LDLRAD4: variants seen among roughly 807,000 people sequenced by gnomAD.
The protein encoded by LDLRAD4 is low density lipoprotein receptor class A domain containing 4, also known as low-density lipoprotein receptor class A domain-containing protein 4.
LDLRAD4 carries 5 observed loss-of-function variants against 17.0 expected under a neutral mutation model. That is an observed-to-expected ratio of 0.29 (90% CI 0.15 to 0.62). LDLRAD4 has a LOEUF of 0.62. Among genes scored for constraint, LDLRAD4 ranks in the 20% least tolerant of loss-of-function variants. LDLRAD4 has a pLI of 0.84. For missense variants in LDLRAD4, 340 were observed against 424.7 expected (o/e 0.80, Z 1.75); for synonymous variants, 168 against 171.8 (o/e 0.98, Z 0.17).
At chr18:13,334,246 T>C (rs12232739) in intron 1 of LDLRAD4, among the ~76,000 whole-genome samples, 9,801 of 144,338 alleles carry the variant, frequency 0.068, 841 homozygotes, top group African/African-American at 0.23. Flanking sequence ...TTTTATTTCT[T>C]TTTTTTTTGA....
At chr18:13,455,920 C>T (rs908099750) in intron 3 of LDLRAD4, among the ~76,000 whole-genome samples, 3 of 152,146 alleles carry the variant, frequency 2.0e-5, no homozygotes, top group African/African-American at 4.8e-5. Context: ...TTACTCAGAG[C>T]CCCAGCTTCC....
chr18:13,550,873 C>G (rs559259787), intron 3 of LDLRAD4, among the ~76,000 whole-genome samples: 1 of 152,240 alleles, frequency 6.6e-6, no homozygotes, highest in East Asian at 1.9e-4. Context: ...TGGGATGTCC[C>G]ATTCTTTGCC....
intron 3 of LDLRAD4, among the ~76,000 whole-genome samples, chr18:13,451,906 T>C (rs2091859109): frequency 6.6e-6 from 1 of 152,108 alleles, no homozygotes. Context: ...ACTTTGGGGG[T>C]GGGGAGAGAG....
rs1044994751 is a variant in LDLRAD4, at chr18:13,523,979, C to T, written c.181+85595C>T. On this transcript the variant is annotated intron_variant, in intron 3 of 5. Coordinates refer to ENST00000359446, the Ensembl canonical transcript of LDLRAD4. ...TCTTGGCTGGTGAACCTCTCTCTGCCTTGGCCTGGACACAGGAGGGGGACC... is the reference window on the plus strand; with the variant it reads ...TCTTGGCTGGTGAACCTCTCTCTGCTTTGGCCTGGACACAGGAGGGGGACC... 5.3e-5 allele frequency among the ~76,000 whole-genome samples: 8 copies of T among 152,254 alleles called. No individual in the cohort carries two copies. The East Asian group carries it at 9.6e-4, about 18-fold the overall frequency.
intron 3 of LDLRAD4, among the ~76,000 whole-genome samples, chr18:13,590,580 C>CT (rs2095011257): frequency 6.6e-6 from 1 of 152,222 alleles, no homozygotes; most frequent in South Asian, 2.1e-4. Flanking sequence ...GTCTTTTCCT[C>CT]TTCAAATCTA....
chr18:13,297,000 G>A (rs1281740968), intron 1 of LDLRAD4, among the ~76,000 whole-genome samples: 7 of 152,088 alleles, frequency 4.6e-5, no homozygotes, highest in African/African-American at 1.7e-4. Flanking sequence ...TCTGTGTAGC[G>A]AGGGGATTCC....
rs578009673 is a variant in LDLRAD4, at chr18:13,390,659, A to G, written c.40+2897A>G. Among the ~76,000 whole-genome samples, 45 of 152,166 alleles carry G rather than the reference A, an allele frequency of 3.0e-4. 1 individual carries two copies. The South Asian group carries it at 7.7e-3, about 26-fold the overall frequency. ...GGTGCTTGAGGGGGTCATGTCTCAA[A>G]AAAAAAAAATCACCTGACTTGTGCC... is the stretch of plus-strand genomic sequence containing the variant. On this transcript the variant is annotated intron_variant, in intron 2 of 5. Transcript: ENST00000359446.
intron 3 of LDLRAD4, chr18:13,487,660 C>G (rs190912517): frequency 6.6e-6 from 1 of 152,270 alleles, no homozygotes; most frequent in Non-Finnish European, 1.5e-5. Flanking sequence ...ATCGGCAATT[C>G]CACACTAAAT....
intron 1 of LDLRAD4, among the ~76,000 whole-genome samples, chr18:13,262,710 A>G (rs1376692770): frequency 5.3e-5 from 3 of 56,194 alleles, no homozygotes; most frequent in Non-Finnish European, 9.5e-5. Flanking sequence ...CTGTGTGTGG[A>G]AACTGAGTCC....
At chr18:13,237,283 A>C (rs1452693189) in intron 1 of LDLRAD4, among the ~76,000 whole-genome samples, 1 of 152,180 alleles carries the variant, frequency 6.6e-6, no homozygotes, top group Non-Finnish European at 1.5e-5. Flanking sequence ...GACTAAGTGC[A>C]TCACCCCACG....
intron 1 of LDLRAD4, among the ~76,000 whole-genome samples, chr18:13,237,540 G>C (rs1413412802): frequency 6.6e-6 from 1 of 152,184 alleles, no homozygotes; most frequent in Non-Finnish European, 1.5e-5. Context: ...GTGGAACTGG[G>C]GTGATCTGTT....
chr18:13,370,242 T>A (rs1444312067), intron 1 of LDLRAD4, among the ~76,000 whole-genome samples: 1 of 152,220 alleles, frequency 6.6e-6, no homozygotes, highest in Non-Finnish European at 1.5e-5. Flanking sequence ...CCTCACCTTC[T>A]GAGATGTATT....
rs184234178 is a variant in LDLRAD4 at position 13,368,204 on chromosome 18, G to T, written c.-382-19137G>T. Among the ~76,000 whole-genome samples, 3 of 152,264 alleles carry T rather than the reference G, an allele frequency of 2.0e-5. No homozygotes were observed. The East Asian group carries it at 5.8e-4, about 29-fold the overall frequency. On this transcript the variant is annotated intron_variant, in intron 1 of 5. Transcript: ENST00000359446. The stretch of plus-strand genomic sequence containing the variant: ...GACAGGTTTGGTGGCATTGGCGCAC[G>T]GTTGGCGTGGAAGCCAAGTTTCTAG...
intron 3 of LDLRAD4, among the ~76,000 whole-genome samples, chr18:13,494,547 G>A (rs1194611899): frequency 6.7e-6 from 1 of 149,618 alleles, no homozygotes; most frequent in East Asian, 1.9e-4. Context: ...GCATGGTGGT[G>A]CACACCTGTA....
intron 1 of LDLRAD4, among the ~76,000 whole-genome samples, chr18:13,374,169 G>C (rs12608222): frequency 1.3e-5 from 2 of 152,138 alleles, no homozygotes; most frequent in Non-Finnish European, 2.9e-5. Context: ...CACATAGGTC[G>C]TCTCTTGGGA....
At chr18:13,493,872 G>A (rs150156601) in intron 3 of LDLRAD4, among the ~76,000 whole-genome samples, 2 of 152,322 alleles carry the variant, frequency 1.3e-5, no homozygotes, top group Admixed American at 6.5e-5. Flanking sequence ...CACTCAGCCC[G>A]TGGGCCCTCT....
intron 1 of LDLRAD4, among the ~76,000 whole-genome samples, chr18:13,246,467 A>G (rs1370313923): frequency 6.6e-6 from 1 of 152,226 alleles, no homozygotes; most frequent in African/African-American, 2.4e-5. Flanking sequence ...AAAGTGCTTG[A>G]TTGGTGATGA....
In LDLRAD4 at chr18:13,622,056, C is replaced by T. The variant is rs1331961922; in HGVS notation, c.336+785C>T. ...TGGCTTCCGTGATGGGCAGCGAGGC[C>T]GAGTCTCCACAGTGTGGAGCCCTGC... On this transcript the variant is annotated intron_variant, in intron 4 of 5. Coordinates refer to ENST00000359446, the Ensembl canonical transcript of LDLRAD4. This position sits in a 1 kb window ranked among gnomAD's most constrained non-coding sequence, Gnocchi z 5.3. Among the ~76,000 whole-genome samples, 6 of 152,012 alleles carry T rather than the reference C, an allele frequency of 3.9e-5. No homozygotes were observed. The highest frequency in any genetic ancestry group is 5.9e-5 in the Non-Finnish European group (4 of 67,996).
At chr18:13,542,952 G>A (rs1188381690) in intron 3 of LDLRAD4, 1 of 152,082 alleles carries the variant, frequency 6.6e-6, no homozygotes, top group Non-Finnish European at 1.5e-5. Context: ...TAGTTTCCTG[G>A]TATTAAGGAG....
Sources: gnomAD v4.1 joint callset for allele counts (sites outside exome capture counted in the v4.1 genomes callset) on GRCh38, gnomAD v4.1.1 for gene constraint, Gnocchi (gnomAD v3.1) non-coding constraint, MANE v1.5 for transcripts, NCBI Gene and HGNC (gene_info 2026-07-23, HGNC 2026-07-21) for gene names.